Variants in RETSAT observed in about 807,000 individuals in gnomAD.
RETSAT encodes all-trans-retinol 13,14-reductase.
In RETSAT, 35 loss-of-function variants were observed where a neutral mutation model predicts 61.6. That is an observed-to-expected ratio of 0.57 (90% CI 0.43 to 0.75). The LOEUF is 0.75. Among genes scored for constraint, RETSAT ranks in the 30% least tolerant of loss-of-function variants. The pLI, the probability that RETSAT is intolerant of heterozygous loss-of-function variation, is 0.00. For missense variants in RETSAT, 670 were observed against 759.5 expected, an observed-to-expected ratio of 0.88 and a Z score of 1.38; for synonymous variants, 277 against 310.4, an observed-to-expected ratio of 0.89 and a Z score of 1.13.
rs750171366 is a variant in RETSAT, at chr2:85,342,565, G to C, written c.*677C>G. The C allele has an allele frequency of 6.6e-6, 1 of 152,408 alleles. No individual in the cohort carries two copies. The highest frequency in any genetic ancestry group is 2.4e-5 in the African/African-American group (1 of 41,426). The allele number at this position is 152,408 out of a possible 1,614,324, so 9.4% of individuals were successfully genotyped here. A position where few individuals can be genotyped will look rare whatever the true frequency, so the allele number is the denominator to read the frequency against. On this transcript the variant is annotated 3_prime_UTR_variant, in exon 11 of 11. Coordinates refer to ENST00000295802, the MANE Select transcript of RETSAT (RefSeq NM_017750.4). ...CCCCGATGATAAGGAAGACAGACCC[G>C]GGACTTCCATATGAATTGGATATGA...
intron 6 of RETSAT, 133 bp downstream of exon 6, chr2:85,345,842 T>C: frequency 9.0e-7 from 1 of 1,105,464 alleles, no homozygotes; most frequent in Non-Finnish European, 1.4e-6. Flanking sequence ...GGTAGCGTTC[T>C]CACCTTGTTG....
intron 5 of RETSAT, among the ~76,000 whole-genome samples, chr2:85,347,501 A>G (rs1184111956): frequency 6.6e-6 from 1 of 152,120 alleles, no homozygotes; most frequent in Admixed American, 6.5e-5. Context: ...TGCTGGGATT[A>G]CAGGCGTGAG....
chr2:85,342,066 T>C lies in RETSAT; in HGVS notation c.*1176A>G, dbSNP rs1683099007. 5.1e-6 allele frequency: 2 copies of C among 392,706 alleles called. No individual in the cohort carries two copies. The highest frequency in any genetic ancestry group is 1.3e-4 in the South Asian group (2 of 15,352). 24.3% of individuals were successfully genotyped at this position (392,706 alleles called of 1,614,324 possible). A position where few individuals can be genotyped will look rare whatever the true frequency, so the allele number is the denominator to read the frequency against. ...CCATCACAATAATAGTTTTGTTTTC[T>C]TGAACAAAAAACCAAAATAAATTTC... On this transcript the variant is annotated 3_prime_UTR_variant, in exon 11 of 11. Transcript: ENST00000295802.
intron 5 of RETSAT, among the ~76,000 whole-genome samples, chr2:85,348,132 C>G (rs371485896): frequency 2.0e-4 from 30 of 152,206 alleles, no homozygotes; most frequent in African/African-American, 7.2e-4. Context: ...AGTCCCTATG[C>G]GGGTTACAGC....
chr2:85,350,974 T>A lies in RETSAT; in HGVS notation c.403A>T (p.Ile135Phe), dbSNP rs761266906. ...RMEEGSIGRF[I>F]LDQITEGQLD... The stretch of plus-strand genomic sequence containing the variant: ...TGCCCTTCAGTGATCTGGTCCAAGA[T>A]AAAACGGCCAATGCTGCCCTCTTCC... Residue 135 changes from isoleucine (I) to phenylalanine (F), a missense_variant, in exon 3 of 11, where the codon ATC becomes TTC. Ile to Phe is a conservative substitution (Grantham distance 21). Coordinates refer to ENST00000295802, the MANE Select transcript of RETSAT (RefSeq NM_017750.4). 5.6e-6 allele frequency: 9 copies of A among 1,613,990 alleles called. No individual in the cohort carries two copies. Among genetic ancestry groups the A allele is most frequent in the African/African-American group, 1.3e-5 (1 of 74,888 alleles).
intron 5 of RETSAT, 66 bp downstream of exon 5, chr2:85,349,318 G>C: frequency 6.6e-7 from 1 of 1,511,820 alleles, no homozygotes; most frequent in Non-Finnish European, 9.1e-7. Flanking sequence ...TGGTCTCAGG[G>C]AGACCCCAGG....
Position 85,354,336 on chromosome 2 carries a change from C to T in RETSAT, c.172G>A (p.Ala58Thr). 1 of 1,614,196 alleles carries T rather than the reference C, an allele frequency of 6.2e-7. No individual in the cohort carries two copies. Among genetic ancestry groups the T allele is most frequent in the Non-Finnish European group, 8.5e-7 (1 of 1,180,042 alleles). Residue 58 changes from alanine (A) to threonine (T), a missense_variant and splice_region_variant, in exon 1 of 11, where the codon GCT (alanine) becomes ACT (threonine). Coordinates refer to ENST00000295802, the MANE Select transcript of RETSAT (RefSeq NM_017750.4). ...CGGACCCCAGGGTCCCTCCTGCTACCTTGTTTGAGAACCTTCTTCCTGGCC... is the reference window on the plus strand; with the variant it reads ...CGGACCCCAGGGTCCCTCCTGCTACTTTGTTTGAGAACCTTCTTCCTGGCC... ...KEARKKVLKQ[A>T]FSANQVPEKL...
chr2:85,342,025 T>C lies in RETSAT; in HGVS notation c.*1217A>G. 1 of 476,172 alleles carries C rather than the reference T, an allele frequency of 2.1e-6. No individual in the cohort carries two copies. Among genetic ancestry groups the C allele is most frequent in the Non-Finnish European group, 3.7e-6 (1 of 270,586 alleles). 29.5% of individuals were successfully genotyped at this position (476,172 alleles called of 1,614,324 possible). A position where few individuals can be genotyped will look rare whatever the true frequency, so the allele number is the denominator to read the frequency against. ...TGTTATTCAGTATATAGTGTTTTAC[T>C]GAGCTTCTGCAAATGCCATCACAAT... On this transcript the variant is annotated 3_prime_UTR_variant, in exon 11 of 11. Coordinates refer to ENST00000295802, the MANE Select transcript of RETSAT (RefSeq NM_017750.4).
chr2:85,350,757 G>A, intron 3 of RETSAT, 23 bp downstream of exon 3: 1 of 1,613,662 alleles, frequency 6.2e-7, no homozygotes, highest in Non-Finnish European at 8.5e-7. Context: ...ACAAACTCTG[G>A]GTCCTCAGCA....
Position 85,349,416 on chromosome 2 carries a change from C to G in RETSAT, c.965G>C (p.Ser322Thr), listed in dbSNP as rs1166485331. The G allele has an allele frequency of 6.2e-7, 1 of 1,614,194 alleles. No individual in the cohort carries two copies. Among genetic ancestry groups the G allele is most frequent in the Non-Finnish European group, 8.5e-7 (1 of 1,180,024 alleles). ...TTTCCCAGCTGAGTCCAGCAACACA[C>G]TCTGCACAGTGGCCTTTGTGAGGAC... ...GAVLTKATVQ[S>T]VLLDSAGKAC... The change falls in exon 5 of 11, where the codon AGT becomes ACT. Residue 322 changes from serine (S) to threonine (T), a missense_variant. Physicochemically the swap from Ser to Thr is moderately conservative, Grantham distance 58 (BLOSUM62 1). Transcript: ENST00000295802.
Position 85,351,881 on chromosome 2 carries a change from AG to A in RETSAT, c.173-20del, listed in dbSNP as rs765850078. Reference sequence around the variant, plus strand: ...GAAAAAGCTACAGCAGAAGGGCCAAAGGGTGGGTTTCTCAGGCAGGGGCAGG... The same window carrying A: ...GAAAAAGCTACAGCAGAAGGGCCAAAGGTGGGTTTCTCAGGCAGGGGCAGG... On this transcript the variant is annotated intron_variant, in intron 1 of 10. Coordinates refer to ENST00000295802, the MANE Select transcript of RETSAT (RefSeq NM_017750.4). 6.2e-7 allele frequency: 1 copy of A among 1,609,292 alleles called. No individual in the cohort carries two copies. Among genetic ancestry groups the A allele is most frequent in the Admixed American group, 1.7e-5 (1 of 59,552 alleles).
At chr2:85,351,925 G>A (rs1173144277) in intron 1 of RETSAT, 63 bp from the exon 2 acceptor site, 3 of 1,516,830 alleles carry the variant, frequency 2.0e-6, no homozygotes, top group Middle Eastern at 1.8e-4. Flanking sequence ...CAAAGATAGG[G>A]AAACCAAAGA....
chr2:85,352,851 G>A (rs1218388688), intron 1 of RETSAT, among the ~76,000 whole-genome samples: 3 of 152,174 alleles, frequency 2.0e-5, no homozygotes, highest in Non-Finnish European at 4.4e-5. Flanking sequence ...GGAAGGTCTG[G>A]GGGCAGTGCT....
chr2:85,351,464 A>G (rs1683298914), intron 2 of RETSAT: 4 of 522,638 alleles, frequency 7.7e-6, no homozygotes, highest in Non-Finnish European at 1.3e-5. Context: ...TCACGAACTC[A>G]GGAGGCAGAG....
rs1683126164 is a variant in RETSAT, at chr2:85,343,596, G to C, written c.1693+43C>G. ...GAACAGAGGACGTTGGGCGACAGGG[G>C]CCCAGGGTCTCAGGTCCTGACAACA... On this transcript the variant is annotated intron_variant, in intron 10 of 10. Coordinates refer to ENST00000295802, the MANE Select transcript of RETSAT (RefSeq NM_017750.4). 1.9e-6 allele frequency: 3 copies of C among 1,608,844 alleles called. No homozygotes were observed. The African/African-American group carries it at 4.0e-5, about 22-fold the overall frequency.
chr2:85,351,632 T>A, intron 2 of RETSAT, 48 bp downstream of exon 2: 3 of 1,570,378 alleles, frequency 1.9e-6, no homozygotes, highest in Non-Finnish European at 2.6e-6. Flanking sequence ...GCTCCAAGCC[T>A]CTTCAACATA....
Position 85,344,179 on chromosome 2 carries a change from C to T in RETSAT, c.1367-14G>A. 1 of 1,614,036 alleles carries T rather than the reference C, an allele frequency of 6.2e-7. No individual in the cohort carries two copies. Among genetic ancestry groups the T allele is most frequent in the East Asian group, 2.2e-5 (1 of 44,856 alleles). ...TGGTGGACCGGCCTGGGGATCAGAG[C>T]TGATATTACTACTGCCCGGCCTCTC... On this transcript the variant is annotated splice_polypyrimidine_tract_variant and intron_variant, in intron 8 of 10. Coordinates refer to ENST00000295802, the MANE Select transcript of RETSAT (RefSeq NM_017750.4).
chr2:85,350,752 C>T, intron 3 of RETSAT, 28 bp downstream of exon 3: 1 of 1,613,646 alleles, frequency 6.2e-7, no homozygotes, highest in Non-Finnish European at 8.5e-7. Context: ...CGAGAACAAA[C>T]TCTGGGTCCT....
intron 5 of RETSAT, among the ~76,000 whole-genome samples, chr2:85,347,972 T>A (rs1322853523): frequency 6.6e-6 from 1 of 152,220 alleles, no homozygotes; most frequent in Non-Finnish European, 1.5e-5. Context: ...TAAATGCATG[T>A]CTACATTAGC....
Sources: gnomAD v4.1 joint callset for allele counts (sites outside exome capture counted in the v4.1 genomes callset) on GRCh38, gnomAD v4.1.1 for gene constraint, MANE v1.5 for transcripts, NCBI Gene and HGNC (gene_info 2026-07-23, HGNC 2026-07-21) for gene names.